CDH9: variants seen among roughly 807,000 people sequenced by gnomAD.
The protein encoded by CDH9 is cadherin 9.
In CDH9, 28 loss-of-function variants were observed where a neutral mutation model predicts 70.9. The ratio of observed to expected loss-of-function variants is 0.40; its 90% confidence interval spans 0.29 to 0.54. CDH9 has a LOEUF of 0.54. Among genes scored for constraint, CDH9 ranks in the 20% least tolerant of loss-of-function variants. The pLI is 0.59. For synonymous variants in CDH9, 409 were observed against 343.1 expected, an observed-to-expected ratio of 1.19 and a Z score of -2.12; for missense variants, 874 against 984.4, an observed-to-expected ratio of 0.89 and a Z score of 1.50.
chr5:26,986,943 T>TAA (rs1742497184), intron 2 of CDH9, among the ~76,000 whole-genome samples: 1 of 151,670 alleles, frequency 6.6e-6, no homozygotes, highest in Non-Finnish European at 1.5e-5. Flanking sequence ...GAAGAGAAAA[T>TAA]AATAGGCTTC....
At chr5:26,904,299 G>A (rs1301141780) in intron 5 of CDH9, among the ~76,000 whole-genome samples, 1 of 151,264 alleles carries the variant, frequency 6.6e-6, no homozygotes, top group Non-Finnish European at 1.5e-5. Context: ...GTTTGTTTTA[G>A]TTTTAATATC....
chr5:27,023,676 A>G (rs1743176404), intron 1 of CDH9, among the ~76,000 whole-genome samples: 1 of 151,946 alleles, frequency 6.6e-6, no homozygotes, highest in South Asian at 2.1e-4. Flanking sequence ...AATAATCCGT[A>G]ACTATATTGA....
At chr5:26,984,249 G>T (rs1561028834) in intron 2 of CDH9, among the ~76,000 whole-genome samples, 1 of 152,054 alleles carries the variant, frequency 6.6e-6, no homozygotes, top group Non-Finnish European at 1.5e-5. Context: ...CCTATAGATG[G>T]CTCATTAGCT....
In CDH9 at chr5:26,915,631, G is replaced by T. The variant is rs552146831; in HGVS notation, c.522C>A (p.Val174=). 2 of 1,566,716 alleles carry T rather than the reference G, an allele frequency of 1.3e-6. No individual in the cohort carries two copies. The highest frequency in any genetic ancestry group is 1.8e-6 in the Non-Finnish European group (2 of 1,137,406). Reference sequence around the variant, plus strand: ...TTACATGGATTAGAATATACCTACCGACTCCAGACATTTCAGGAACACTGG... The same window carrying T: ...TTACATGGATTAGAATATACCTACCTACTCCAGACATTTCAGGAACACTGG... ...YTASVPEMSG[V]GTSVIQVTAT... is the part of the protein sequence containing the mutation. Residue 174 remains valine, a splice_region_variant and synonymous_variant, in exon 3 of 12, where the codon GTC becomes GTA. Transcript: ENST00000231021.
At chr5:26,896,419 C>G (rs1201262870) in intron 7 of CDH9, among the ~76,000 whole-genome samples, 3 of 151,076 alleles carry the variant, frequency 2.0e-5, no homozygotes, top group Non-Finnish European at 4.4e-5. Context: ...TATCTCTAAT[C>G]TAAATATTTA....
At chr5:26,898,467 A>G (rs929230835) in intron 7 of CDH9, among the ~76,000 whole-genome samples, 7 of 152,214 alleles carry the variant, frequency 4.6e-5, no homozygotes, top group African/African-American at 1.7e-4. Flanking sequence ...TACTGGCACC[A>G]AAACAGATAT....
intron 2 of CDH9, among the ~76,000 whole-genome samples, chr5:26,929,997 G>A (rs1741413349): frequency 1.3e-5 from 2 of 151,860 alleles, no homozygotes; most frequent in South Asian, 4.1e-4. Context: ...AGTATAATTG[G>A]ATTGTTTATA....
chr5:26,898,108 G>A (rs554466975), intron 7 of CDH9, among the ~76,000 whole-genome samples: 6 of 152,012 alleles, frequency 3.9e-5, no homozygotes, highest in Admixed American at 1.3e-4. Context: ...TAGGAATAAA[G>A]CTTACAAGGG....
At chr5:27,037,625 T>C (rs1332275831) in intron 1 of CDH9, among the ~76,000 whole-genome samples, 1 of 151,934 alleles carries the variant, frequency 6.6e-6, no homozygotes, top group African/African-American at 2.4e-5. Flanking sequence ...TGAATGGTGA[T>C]CTTGAGCATG....
chr5:26,946,251 T>C (rs75196559), intron 2 of CDH9, among the ~76,000 whole-genome samples: 1 of 152,164 alleles, frequency 6.6e-6, no homozygotes, highest in African/African-American at 2.4e-5. Context: ...ATGTGGTGAC[T>C]TACATTGAAT....
intron 11 of CDH9, among the ~76,000 whole-genome samples, chr5:26,883,786 G>T (rs1223409121): frequency 6.6e-6 from 1 of 151,394 alleles, no homozygotes; most frequent in Non-Finnish European, 1.5e-5. Flanking sequence ...AGGCTGAAAA[G>T]TGTCCCTACA....
At chr5:26,893,796 T>C (rs1740701657) in intron 7 of CDH9, among the ~76,000 whole-genome samples, 1 of 152,114 alleles carries the variant, frequency 6.6e-6, no homozygotes, top group Admixed American at 6.6e-5. Flanking sequence ...AAAATAACAA[T>C]GTAGTAAAAT....
chr5:26,888,207 A>G (rs1740597566), intron 9 of CDH9, among the ~76,000 whole-genome samples: 1 of 152,192 alleles, frequency 6.6e-6, no homozygotes, highest in Non-Finnish European at 1.5e-5. Flanking sequence ...ATAGGCAATC[A>G]TATGTATTTG....
chr5:26,956,949 A>G (rs1010657208), intron 2 of CDH9, among the ~76,000 whole-genome samples: 2 of 151,444 alleles, frequency 1.3e-5, no homozygotes, highest in Non-Finnish European at 1.5e-5. Flanking sequence ...GTTGTACTCA[A>G]CAGTATTAGA....
At chr5:27,003,136 A>G (rs767616122) in intron 1 of CDH9, among the ~76,000 whole-genome samples, 22 of 152,094 alleles carry the variant, frequency 1.4e-4, no homozygotes, top group African/African-American at 2.4e-4. Flanking sequence ...CCCAAATTCA[A>G]AATGTGCCAA....
At chr5:26,920,717 T>C (rs1741229650) in intron 2 of CDH9, among the ~76,000 whole-genome samples, 1 of 152,138 alleles carries the variant, frequency 6.6e-6, no homozygotes. Context: ...ATGCAGGTAA[T>C]TCTCCCAGAT....
At chr5:27,035,663 T>C (rs1743378287) in intron 1 of CDH9, among the ~76,000 whole-genome samples, 1 of 148,634 alleles carries the variant, frequency 6.7e-6, no homozygotes, top group African/African-American at 2.5e-5. Flanking sequence ...TCTATGTTAA[T>C]ATTGCTATTG....
rs1487388943 is a variant in CDH9 at position 26,880,815 on chromosome 5, G to T, written c.*321C>A. 5.4e-6 allele frequency: 1 copy of T among 184,752 alleles called. No individual in the cohort carries two copies. The highest frequency in any genetic ancestry group is 1.1e-5 in the Non-Finnish European group (1 of 89,976). 11.4% of individuals were successfully genotyped at this position (184,752 alleles called of 1,614,324 possible). On this transcript the variant is annotated 3_prime_UTR_variant, in exon 12 of 12. Coordinates refer to ENST00000231021, the MANE Select transcript of CDH9 (RefSeq NM_016279.4). ...GTAAAGGTGACTGAAAGTCAGTTAA[G>T]AAAACATTTATAAATTATTATACCT...
chr5:26,904,499 G>T (rs1740912188), intron 5 of CDH9, among the ~76,000 whole-genome samples: 2 of 152,102 alleles, frequency 1.3e-5, no homozygotes, highest in East Asian at 3.9e-4. Context: ...TCTATACAAG[G>T]TCTAAAGGCT....
Sources: gnomAD v4.1 joint callset for allele counts (sites outside exome capture counted in the v4.1 genomes callset) on GRCh38, gnomAD v4.1.1 for gene constraint, MANE v1.5 for transcripts, NCBI Gene and HGNC (gene_info 2026-07-23, HGNC 2026-07-21) for gene names.